The following PTK2B variants were observed in gnomAD, a reference collection of about 807,000 sequenced individuals.
The protein encoded by PTK2B is protein-tyrosine kinase 2-beta.
A neutral mutation model predicts 142.9 loss-of-function variants in PTK2B; 71 were observed. That is an observed-to-expected ratio of 0.50 (90% CI 0.41 to 0.61). The LOEUF (loss-of-function observed/expected upper bound fraction) is 0.61. Ranked by LOEUF, PTK2B falls within the 20% of genes least tolerant of loss-of-function variation. The pLI, the probability that PTK2B is intolerant of heterozygous loss-of-function variation, is 0.00. For synonymous variants in PTK2B, 519 were observed against 503.4 expected, an observed-to-expected ratio of 1.03 and a Z score of -0.42; for missense variants, 1,105 against 1,320.4, an observed-to-expected ratio of 0.84 and a Z score of 2.53.
intron 1 of PTK2B, among the ~76,000 whole-genome samples, chr8:27,340,434 G>A (rs190739921): frequency 6.6e-6 from 1 of 152,346 alleles, no homozygotes; most frequent in African/African-American, 2.4e-5. Context: ...GCCTGTTTTG[G>A]AAGCTGGGAA....
At chr8:27,417,220 G>A (rs1455609172) in intron 2 of PTK2B, among the ~76,000 whole-genome samples, 1 of 152,172 alleles carries the variant, frequency 6.6e-6, no homozygotes, top group African/African-American at 2.4e-5. Flanking sequence ...TCAACATATT[G>A]TGATTCATTT....
chr8:27,331,410 G>T (rs1277221863), intron 1 of PTK2B, among the ~76,000 whole-genome samples: 1 of 152,166 alleles, frequency 6.6e-6, no homozygotes, highest in Non-Finnish European at 1.5e-5. Context: ...ACCTGGGACG[G>T]AATGGCCCCT....
intron 1 of PTK2B, among the ~76,000 whole-genome samples, chr8:27,375,354 G>T (rs925729184): frequency 1.6e-4 from 24 of 152,176 alleles, no homozygotes; most frequent in African/African-American, 5.3e-4. Context: ...CCTCAATCTG[G>T]TCTCAGCTTT....
At position 27,344,752 on chromosome 8, in the gene PTK2B, G is replaced by A. The variant is rs180883272; in HGVS notation, c.-38+19071G>A. 8.7e-4 allele frequency among the ~76,000 whole-genome samples: 132 copies of A among 152,216 alleles called. 3 individuals carry two copies. In the East Asian group the frequency reaches 0.021, roughly 24 times the overall value. On this transcript the variant is annotated intron_variant, in intron 1 of 30. Coordinates refer to ENST00000346049, the MANE Select transcript of PTK2B (RefSeq NM_173176.3). Reference sequence around the variant, plus strand: ...GCTTCTGCCACCTCTGTACTGTTGCGTCTTGTTTGGCCACTTTACTCCAGG... The same window carrying A: ...GCTTCTGCCACCTCTGTACTGTTGCATCTTGTTTGGCCACTTTACTCCAGG...
intron 1 of PTK2B, among the ~76,000 whole-genome samples, chr8:27,348,136 C>T (rs1258798574): frequency 6.6e-6 from 1 of 152,184 alleles, no homozygotes; most frequent in Non-Finnish European, 1.5e-5. Context: ...AACTGAGTAA[C>T]ATATGGGAAA....
chr8:27,409,966 C>A (rs1313834116), intron 2 of PTK2B, among the ~76,000 whole-genome samples: 1 of 152,210 alleles, frequency 6.6e-6, no homozygotes, highest in East Asian at 1.9e-4. Flanking sequence ...AGGTGATCCT[C>A]CTGCCTCGGC....
In PTK2B at chr8:27,458,555, A is replaced by T. The variant is rs754841010; in HGVS notation, c.*46A>T. The T allele has an allele frequency of 1.2e-5, 18 of 1,531,834 alleles. No homozygotes were observed. In the Admixed American group the frequency reaches 3.0e-4, roughly 25 times the overall value. The allele number at this position is 1,531,834 out of a possible 1,614,324, so 94.9% of individuals were successfully genotyped here. ...CCTGCGTCTTCCGCCCCTGCCTGCC[A>T]TGTACCTCCCCTGCCTTGCTGTTGG... On this transcript the variant is annotated 3_prime_UTR_variant, in exon 31 of 31. Coordinates refer to ENST00000346049, the MANE Select transcript of PTK2B (RefSeq NM_173176.3).
intron 1 of PTK2B, among the ~76,000 whole-genome samples, chr8:27,328,030 G>T (rs146907239): frequency 1.4e-3 from 215 of 152,336 alleles, no homozygotes; most frequent in Non-Finnish European, 1.7e-3. Flanking sequence ...TAGGGTTCAT[G>T]CTTCCAGTGA....
intron 1 of PTK2B, among the ~76,000 whole-genome samples, chr8:27,349,654 C>T (rs1804929909): frequency 6.6e-6 from 1 of 152,244 alleles, no homozygotes; most frequent in Non-Finnish European, 1.5e-5. Context: ...ATGCAAAGAG[C>T]TGCTATAAAA....
intron 12 of PTK2B, 44 bp downstream of exon 12, chr8:27,434,176 T>C (rs184607725): frequency 6.3e-7 from 1 of 1,598,420 alleles, no homozygotes; most frequent in Non-Finnish European, 8.6e-7. Context: ...GAGCTCAGCC[T>C]GTGCTGCTGA....
chr8:27,335,237 C>T (rs1803988776), intron 1 of PTK2B, among the ~76,000 whole-genome samples: 1 of 152,218 alleles, frequency 6.6e-6, no homozygotes, highest in Non-Finnish European at 1.5e-5. Context: ...CCTCGTTTAT[C>T]TGCATTGTCA....
chr8:27,430,451 G>A, intron 7 of PTK2B, 33 bp downstream of exon 7: 1 of 1,611,658 alleles, frequency 6.2e-7, no homozygotes, highest in Non-Finnish European at 8.5e-7. Flanking sequence ...ACCTCTTCGT[G>A]CTGATTCCCG....
chr8:27,344,634 C>T (rs1804606764), intron 1 of PTK2B, among the ~76,000 whole-genome samples: 1 of 152,174 alleles, frequency 6.6e-6, no homozygotes, highest in African/African-American at 2.4e-5. Flanking sequence ...GATCCCACCC[C>T]TCGTCCGCTT....
At chr8:27,454,632 A>G (rs770881854) in intron 30 of PTK2B, 21 bp downstream of exon 30, 18 of 1,610,466 alleles carry the variant, frequency 1.1e-5, no homozygotes, top group Admixed American at 1.0e-4. Flanking sequence ...CATTCCAGAC[A>G]GCACCATAGG....
intron 22 of PTK2B, among the ~76,000 whole-genome samples, chr8:27,443,390 T>C (rs543480768): frequency 6.6e-6 from 1 of 152,264 alleles, no homozygotes; most frequent in East Asian, 1.9e-4. Flanking sequence ...GGTGGGTGGG[T>C]CTGAGAGGCC....
intron 2 of PTK2B, among the ~76,000 whole-genome samples, chr8:27,409,163 CTA>C (rs1442731191): frequency 5.3e-5 from 8 of 152,182 alleles, no homozygotes; most frequent in African/African-American, 1.4e-4. Flanking sequence ...TGTAAACACT[CTA>C]TAAAGTCCTG....
At chr8:27,348,772 C>T (rs1227893663) in intron 1 of PTK2B, among the ~76,000 whole-genome samples, 1 of 152,034 alleles carries the variant, frequency 6.6e-6, no homozygotes, top group Non-Finnish European at 1.5e-5. Context: ...TCTGCTTGCA[C>T]TTGTTGTCAG....
chr8:27,454,312 G>A, intron 29 of PTK2B, 21 bp downstream of exon 29: 4 of 1,606,280 alleles, frequency 2.5e-6, no homozygotes, highest in Non-Finnish European at 3.4e-6. Flanking sequence ...GGCTGGGTTG[G>A]GGAGGTGGAG....
At chr8:27,340,586 G>T (rs112520419) in intron 1 of PTK2B, among the ~76,000 whole-genome samples, 1,727 of 152,376 alleles carry the variant, frequency 0.011, 15 homozygotes, top group East Asian at 0.036. Context: ...AGGATAGGCA[G>T]TTGCAAGAAT....
Sources: allele counts gnomAD v4.1 joint callset (sites outside exome capture counted in the v4.1 genomes callset), GRCh38; gene constraint gnomAD v4.1.1; transcripts MANE v1.5; gene names NCBI Gene and HGNC (gene_info 2026-07-23, HGNC 2026-07-21).